MACROD2: variants seen among roughly 807,000 people sequenced by gnomAD.
MACROD2 encodes ADP-ribose glycohydrolase MACROD2.
In MACROD2, 36 loss-of-function variants were observed where a neutral mutation model predicts 70.4. That is an observed-to-expected ratio of 0.51 (90% CI 0.39 to 0.68). MACROD2 has a LOEUF of 0.68. MACROD2 is among the 30% of genes least tolerant of loss of function. MACROD2 has a pLI of 0.00. For synonymous variants in MACROD2, 172 were observed against 178.8 expected, an observed-to-expected ratio of 0.96 and a Z score of 0.30; for missense variants, 496 against 538.4, an observed-to-expected ratio of 0.92 and a Z score of 0.78.
At chr20:14,880,974 C>T (rs913109998) in intron 5 of MACROD2, among the ~76,000 whole-genome samples, 37 of 152,126 alleles carry the variant, frequency 2.4e-4, no homozygotes, top group African/African-American at 8.9e-4. Flanking sequence ...TGGAGAGCTG[C>T]GTGACTCCTC....
At chr20:14,743,829 G>T (rs1353123713) in intron 5 of MACROD2, among the ~76,000 whole-genome samples, 3 of 152,132 alleles carry the variant, frequency 2.0e-5, no homozygotes, top group Non-Finnish European at 4.4e-5. Flanking sequence ...ATCTTGAATT[G>T]TCTAGGTAGA....
At chr20:15,856,488 A>G (rs147966471) in intron 8 of MACROD2, among the ~76,000 whole-genome samples, 262 of 152,288 alleles carry the variant, frequency 1.7e-3, no homozygotes, top group Non-Finnish European at 3.3e-3. Flanking sequence ...ACTTAAAGGA[A>G]AGTCCTCCGA....
intron 6 of MACROD2, among the ~76,000 whole-genome samples, chr20:15,290,586 A>G (rs1412927310): frequency 6.6e-6 from 1 of 152,152 alleles, no homozygotes; most frequent in Non-Finnish European, 1.5e-5. Context: ...CATTGTAACA[A>G]CTTCTTTTGA....
chr20:15,075,359 T>G (rs924735733), intron 5 of MACROD2, among the ~76,000 whole-genome samples: 1 of 152,212 alleles, frequency 6.6e-6, no homozygotes, highest in Admixed American at 6.5e-5. Flanking sequence ...GTCAGAAAAC[T>G]AAAGGCATTT....
chr20:15,312,929 A>T (rs544387457), intron 6 of MACROD2, among the ~76,000 whole-genome samples: 143 of 152,300 alleles, frequency 9.4e-4, no homozygotes, highest in Admixed American at 2.1e-3. Flanking sequence ...TCAAGATATT[A>T]ATTTACTGAT....
chr20:14,588,630 C>T (rs1435553241), intron 4 of MACROD2, among the ~76,000 whole-genome samples: 1 of 152,086 alleles, frequency 6.6e-6, no homozygotes, highest in Non-Finnish European at 1.5e-5. Flanking sequence ...GCCTCAGCCT[C>T]CCGAGTAGCT....
intron 4 of MACROD2, among the ~76,000 whole-genome samples, chr20:14,620,432 T>G (rs1254267605): frequency 6.6e-6 from 1 of 152,128 alleles, no homozygotes; most frequent in East Asian, 1.9e-4. Flanking sequence ...ATATCCTAGC[T>G]TATTCTAACC....
chr20:14,278,326 C>T (rs961110386), intron 3 of MACROD2, among the ~76,000 whole-genome samples: 1 of 152,186 alleles, frequency 6.6e-6, no homozygotes, highest in African/African-American at 2.4e-5. Context: ...TCTTTGTTCA[C>T]TTTGTTGCCA....
In MACROD2 at chr20:14,500,608, G is replaced by T. The variant is rs1404563894; in HGVS notation, c.301+7100G>T. ...GGTTCAAAATCCAAGCCATGCATCTGCCTTGAACTCTTCTATTGTAATGGC... is the reference window on the plus strand; with the variant it reads ...GGTTCAAAATCCAAGCCATGCATCTTCCTTGAACTCTTCTATTGTAATGGC... On this transcript the variant is annotated intron_variant, in intron 4 of 17. Transcript: ENST00000684519. 2.0e-5 allele frequency among the ~76,000 whole-genome samples: 3 copies of T among 152,184 alleles called. No homozygotes were observed. The East Asian group carries it at 5.8e-4, about 29-fold the overall frequency.
At chr20:15,869,310 G>A (rs1442938588) in intron 9 of MACROD2, among the ~76,000 whole-genome samples, 1 of 141,676 alleles carries the variant, frequency 7.1e-6, no homozygotes, top group Non-Finnish European at 1.5e-5. Flanking sequence ...TTAATTGCAG[G>A]ATATCCATGT....
intron 6 of MACROD2, among the ~76,000 whole-genome samples, chr20:15,231,494 T>A (rs183584447): frequency 1.1e-4 from 16 of 152,176 alleles, no homozygotes; most frequent in African/African-American, 3.6e-4. Context: ...AGTTTCCAAC[T>A]TGGAAAATAT....
At chr20:15,290,361 CCCATTATG>C (rs2077530661) in intron 6 of MACROD2, among the ~76,000 whole-genome samples, 2 of 152,126 alleles carry the variant, frequency 1.3e-5, no homozygotes, top group Non-Finnish European at 1.5e-5. Flanking sequence ...TGGCTTTTTT[CCCATTATG>C]CAGAGTGTTG....
intron 8 of MACROD2, among the ~76,000 whole-genome samples, chr20:15,695,231 A>T (rs1317155843): frequency 1.3e-5 from 2 of 151,328 alleles, no homozygotes; most frequent in Admixed American, 6.6e-5. Context: ...GAATTTTAGA[A>T]TTTTTTTTCT....
chr20:15,262,341 C>G (rs535304168), intron 6 of MACROD2, among the ~76,000 whole-genome samples: 3 of 152,098 alleles, frequency 2.0e-5, no homozygotes, highest in African/African-American at 7.2e-5. Flanking sequence ...AACACAATGA[C>G]CTTCAGTTCC....
chr20:15,833,475 C>T (rs6043564), intron 8 of MACROD2, among the ~76,000 whole-genome samples: 98,113 of 151,996 alleles, frequency 0.65, 31,865 homozygotes, highest in Middle Eastern at 0.72. Context: ...CTGATTTAAT[C>T]CACTGGAATT....
intron 13 of MACROD2, among the ~76,000 whole-genome samples, chr20:15,972,529 G>T (rs569228838): frequency 1.3e-5 from 2 of 152,264 alleles, no homozygotes; most frequent in South Asian, 2.1e-4. Context: ...GATAAATCAG[G>T]CCAGGCACAG....
intron 6 of MACROD2, among the ~76,000 whole-genome samples, chr20:15,322,528 G>T (rs867909767): frequency 2.1e-5 from 3 of 144,396 alleles, no homozygotes; most frequent in Non-Finnish European, 4.7e-5. Flanking sequence ...TGCCAAGGTA[G>T]TTAAGTGAAA....
chr20:15,991,974 G>A (rs566437551), intron 15 of MACROD2, among the ~76,000 whole-genome samples: 1 of 152,184 alleles, frequency 6.6e-6, no homozygotes, highest in South Asian at 2.1e-4. Flanking sequence ...ATGTCTCTAT[G>A]TATGCAATGT....
intron 8 of MACROD2, among the ~76,000 whole-genome samples, chr20:15,752,981 T>C (rs1157761320): frequency 6.6e-6 from 1 of 152,214 alleles, no homozygotes; most frequent in African/African-American, 2.4e-5. Flanking sequence ...TGTATGTATA[T>C]GTATAGATTA....
Sources: gnomAD v4.1 joint callset for allele counts (sites outside exome capture counted in the v4.1 genomes callset) on GRCh38, gnomAD v4.1.1 for gene constraint, MANE v1.5 for transcripts, NCBI Gene and HGNC (gene_info 2026-07-23, HGNC 2026-07-21) for gene names.